SEPTIN11: variants seen among roughly 807,000 people sequenced by gnomAD.
SEPTIN11 encodes septin-11.
A neutral mutation model predicts 51.4 loss-of-function variants in SEPTIN11; 25 were observed. The observed-to-expected ratio is 0.49, with a 90% CI of 0.35 to 0.68. The LOEUF (loss-of-function observed/expected upper bound fraction) is 0.68, where lower values mean the gene tolerates loss of function less well. Among genes scored for constraint, SEPTIN11 ranks in the 30% least tolerant of loss-of-function variants. The pLI is 0.00. For missense variants in SEPTIN11, 381 were observed against 520.8 expected (o/e 0.73, Z 2.61); for synonymous variants, 174 against 184.1 (o/e 0.95, Z 0.44).
intron 1 of SEPTIN11, among the ~76,000 whole-genome samples, chr4:76,991,718 C>T (rs1174851076): frequency 2.6e-5 from 4 of 152,294 alleles, no homozygotes; most frequent in East Asian, 1.9e-4. Flanking sequence ...CCGTAGTTGA[C>T]GCCATGGTAT....
intron 1 of SEPTIN11, among the ~76,000 whole-genome samples, chr4:76,981,635 AAGG>A (rs1221159776): frequency 6.6e-6 from 1 of 152,166 alleles, no homozygotes; most frequent in African/African-American, 2.4e-5. Context: ...ATTTTTTGAG[AAGG>A]AGAACAGAGT....
At chr4:76,962,276 C>T (rs1721854217) in intron 1 of SEPTIN11, among the ~76,000 whole-genome samples, 1 of 152,092 alleles carries the variant, frequency 6.6e-6, no homozygotes, top group Non-Finnish European at 1.5e-5. Context: ...GGCCTTTTGT[C>T]AAAAAATTGT....
rs1292297826 is a variant in SEPTIN11 at position 76,984,728 on chromosome 4, AT to A, written c.28-11696del. Among the ~76,000 whole-genome samples the A allele has an allele frequency of 5.3e-5, 8 of 152,224 alleles. No individual in the cohort carries two copies. Among genetic ancestry groups the A allele is most frequent in the African/African-American group, 1.9e-4 (8 of 41,464 alleles). On this transcript the variant is annotated intron_variant, in intron 1 of 9. Transcript: ENST00000264893. This position sits in a 1 kb window ranked among gnomAD's most constrained non-coding sequence, Gnocchi z 4.1. ...TAAAGACAGGGCAGGAGGGACAAAA[AT>A]GACCCAAATAAACAACAGTGAGACA... is the stretch of plus-strand genomic sequence containing the variant.
intron 1 of SEPTIN11, among the ~76,000 whole-genome samples, chr4:76,992,025 T>C (rs1293178557): frequency 1.3e-5 from 2 of 152,214 alleles, no homozygotes; most frequent in African/African-American, 4.8e-5. Flanking sequence ...CTATAGAAAT[T>C]ACCTAATTAC....
intron 3 of SEPTIN11, chr4:77,010,010 T>C (rs1448956160): frequency 6.6e-6 from 1 of 152,164 alleles, no homozygotes; most frequent in African/African-American, 2.4e-5. Flanking sequence ...TTTTTTTCCT[T>C]AGGTTTTTCT....
At chr4:76,951,398 A>G (rs1721337119) in intron 1 of SEPTIN11, among the ~76,000 whole-genome samples, 1 of 152,192 alleles carries the variant, frequency 6.6e-6, no homozygotes, top group Non-Finnish European at 1.5e-5. Context: ...TTTTGCACAT[A>G]AATTGTGCTC....
At chr4:76,994,624 G>C (rs12648223) in intron 1 of SEPTIN11, among the ~76,000 whole-genome samples, 2 of 151,980 alleles carry the variant, frequency 1.3e-5, no homozygotes, top group African/African-American at 4.8e-5. Flanking sequence ...ATGGTATTCA[G>C]GCAGTGTGGT....
At chr4:77,031,826 C>G (rs748910713) in intron 9 of SEPTIN11, 4 of 152,188 alleles carry the variant, frequency 2.6e-5, no homozygotes, top group Non-Finnish European at 4.4e-5. Flanking sequence ...ATGCCACCCT[C>G]CTTTGTCTAA....
At chr4:76,972,223 A>G (rs1722282053) in intron 1 of SEPTIN11, among the ~76,000 whole-genome samples, 1 of 152,116 alleles carries the variant, frequency 6.6e-6, no homozygotes, top group Non-Finnish European at 1.5e-5. Flanking sequence ...CCAGTCATGT[A>G]TCTGTACTTT....
intron 1 of SEPTIN11, among the ~76,000 whole-genome samples, chr4:76,960,350 T>G (rs1363873726): frequency 6.6e-6 from 1 of 152,212 alleles, no homozygotes; most frequent in Non-Finnish European, 1.5e-5. Flanking sequence ...GAAGCACAGT[T>G]TTCTCTCTGA....
At chr4:76,957,240 G>T (rs978310816) in intron 1 of SEPTIN11, among the ~76,000 whole-genome samples, 1 of 152,020 alleles carries the variant, frequency 6.6e-6, no homozygotes, top group African/African-American at 2.4e-5. Context: ...TTGACAGAAT[G>T]ATTTCCCTTG....
chr4:76,953,913 G>A (rs1721452723), intron 1 of SEPTIN11, among the ~76,000 whole-genome samples: 1 of 152,182 alleles, frequency 6.6e-6, no homozygotes, highest in Non-Finnish European at 1.5e-5. Context: ...ATAGTTCTTA[G>A]GTGTTTAGTC....
intron 1 of SEPTIN11, chr4:76,974,880 T>C (rs1370819862): frequency 2.2e-5 from 10 of 456,110 alleles, no homozygotes; most frequent in East Asian, 7.0e-5. Flanking sequence ...CCCAACACTT[T>C]GGGAGGCCGA....
chr4:77,006,560 CCCA>C (rs753071887), intron 3 of SEPTIN11, among the ~76,000 whole-genome samples: 13 of 152,056 alleles, frequency 8.5e-5, no homozygotes, highest in Non-Finnish European at 1.6e-4. Context: ...ATAAAACTGC[CCCA>C]GGTCCAAAGG....
chr4:77,034,374 C>A, intron 9 of SEPTIN11, 123 bp from the exon 10 acceptor site: 3 of 875,302 alleles, frequency 3.4e-6, no homozygotes, highest in Non-Finnish European at 3.2e-6. Context: ...TAATTTCTGT[C>A]AATTCCATAA....
At position 77,036,683 on chromosome 4, in the gene SEPTIN11, T is replaced by A; in HGVS notation, c.*2171T>A. On this transcript the variant is annotated 3_prime_UTR_variant, in exon 10 of 10. Transcript: ENST00000264893. ...TTTAAAAAATGTATTGCTTCTGAAC[T>A]TTTTTCTGCCACTGCTCCCTAGCCC... The A allele has an allele frequency of 6.6e-7, 1 of 1,521,870 alleles. No individual in the cohort carries two copies. Among genetic ancestry groups the A allele is most frequent in the South Asian group, 1.3e-5 (1 of 79,938 alleles). 94.3% of individuals were successfully genotyped at this position (1,521,870 alleles called of 1,614,324 possible).
rs758764668 is a variant in SEPTIN11 at position 77,014,940 on chromosome 4, C to G, written c.610C>G (p.Leu204Val). The part of the protein sequence containing the change: ...HKFKSKIMSE[L>V]VSNGVQIYQF... Reference sequence around the variant, plus strand: ...ATTCAAGAGTAAGATCATGAGTGAACTGGTCAGCAATGGGGTCCAGATATA... The same window carrying G: ...ATTCAAGAGTAAGATCATGAGTGAAGTGGTCAGCAATGGGGTCCAGATATA... The change falls in exon 5 of 10, where the codon CTG (leucine) becomes GTG (valine). Residue 204 changes from leucine to valine, a missense_variant. Around this residue, in one of 2 missense-constraint regions of SEPTIN11, gnomAD observed 197 missense variants for 313.1 expected, o/e 0.63. Coordinates refer to ENST00000264893, the MANE Select transcript of SEPTIN11 (RefSeq NM_018243.4). 7 of 1,614,096 alleles carry G rather than the reference C, an allele frequency of 4.3e-6. No homozygotes were observed. The highest frequency in any genetic ancestry group is 1.6e-4 in the Middle Eastern group (1 of 6,062).
chr4:76,995,673 G>C (rs1247365887), intron 1 of SEPTIN11: 1 of 972,258 alleles, frequency 1.0e-6, no homozygotes, highest in African/African-American at 1.7e-5. Context: ...AGTTGTGGGG[G>C]CAGCCAGTAC....
chr4:76,983,960 T>C (rs1309574079), intron 1 of SEPTIN11, among the ~76,000 whole-genome samples: 5 of 151,896 alleles, frequency 3.3e-5, no homozygotes, highest in African/African-American at 1.2e-4. Context: ...TGAGCCGAGA[T>C]CGCGCTATTG....
Sources: allele counts gnomAD v4.1 joint callset (sites outside exome capture counted in the v4.1 genomes callset), GRCh38; gene constraint gnomAD v4.1.1; regional missense constraint gnomAD v4.1.1; non-coding constraint Gnocchi (gnomAD v3.1); transcripts MANE v1.5; gene names NCBI Gene and HGNC (gene_info 2026-07-23, HGNC 2026-07-21).